Variants in ZNHIT6 observed in about 807,000 individuals in gnomAD.
The protein encoded by ZNHIT6 is box C/D snoRNA protein 1.
Under a neutral mutation model 57.2 loss-of-function variants are expected in ZNHIT6, and 45 were observed. The ratio of observed to expected loss-of-function variants is 0.79; its 90% confidence interval spans 0.62 to 1.01. The LOEUF is 1.01. Among genes scored for constraint, ZNHIT6 ranks in the 50% least tolerant of loss-of-function variants. ZNHIT6 has a pLI of 0.00. For synonymous variants in ZNHIT6, 188 were observed against 190.0 expected (o/e 0.99, Z 0.09); for missense variants, 528 against 567.3 (o/e 0.93, Z 0.70).
chr1:85,657,029 G>A (rs1661078661), intron 9 of ZNHIT6, among the ~76,000 whole-genome samples: 1 of 152,078 alleles, frequency 6.6e-6, no homozygotes, highest in Non-Finnish European at 1.5e-5. Context: ...AACCTGGCCT[G>A]TATCTGTAAT....
chr1:85,674,481 T>C (rs965894771), intron 8 of ZNHIT6, among the ~76,000 whole-genome samples: 1 of 152,140 alleles, frequency 6.6e-6, no homozygotes, highest in Non-Finnish European at 1.5e-5. Flanking sequence ...GTATTCCTTA[T>C]AGTCAACACC....
intron 4 of ZNHIT6, among the ~76,000 whole-genome samples, chr1:85,704,349 T>A (rs1158183761): frequency 6.6e-6 from 1 of 152,154 alleles, no homozygotes; most frequent in African/African-American, 2.4e-5. Flanking sequence ...TAAACTGTTT[T>A]TTATTCTTAC....
At chr1:85,660,905 T>C (rs1222309801) in intron 8 of ZNHIT6, among the ~76,000 whole-genome samples, 1 of 152,192 alleles carries the variant, frequency 6.6e-6, no homozygotes, top group Non-Finnish European at 1.5e-5. Context: ...AATCAGTGGA[T>C]TTTATTTAGT....
chr1:85,687,292 AAAAAAAC>A lies in ZNHIT6; in HGVS notation c.1020-6395_1020-6389del, dbSNP rs1312654552. On this transcript the variant is annotated intron_variant, in intron 5 of 9. Coordinates refer to ENST00000370574, the MANE Select transcript of ZNHIT6 (RefSeq NM_017953.4). ...TGAGAAGACTATCTCAAAAAACAAA[AAAAAAAC>A]AAAAAAAAAAAACAATTTAGAACCC... Among the ~76,000 whole-genome samples the A allele has an allele frequency of 1.1e-4, 14 of 132,884 alleles. 2 individuals carry two copies. The highest frequency in any genetic ancestry group is 2.5e-4 in the African/African-American group (9 of 35,996). The allele number at this position is 132,884 out of a possible 152,430, so 87.2% of individuals were successfully genotyped here. A position where few individuals can be genotyped will look rare whatever the true frequency, so the allele number is the denominator to read the frequency against.
chr1:85,697,889 T>A (rs78814881), intron 5 of ZNHIT6, among the ~76,000 whole-genome samples: 3,802 of 152,280 alleles, frequency 0.025, 167 homozygotes, highest in African/African-American at 0.088. Flanking sequence ...TTCATATAGG[T>A]CTTTCATATT....
rs535343136 is a variant in ZNHIT6, at chr1:85,704,461, A to C, written c.915+1617T>G. ...ATGAGAAAAGATCAGGGAAGGGCAT[A>C]AAAGGGTGGCATGGAACTTCTGGGA... On this transcript the variant is annotated intron_variant, in intron 4 of 9. Coordinates refer to ENST00000370574, the MANE Select transcript of ZNHIT6 (RefSeq NM_017953.4). Among the ~76,000 whole-genome samples, 170 of 152,292 alleles carry C rather than the reference A, an allele frequency of 1.1e-3. 1 individual carries two copies. The highest frequency in any genetic ancestry group is 3.9e-3 in the African/African-American group (163 of 41,566).
intron 5 of ZNHIT6, among the ~76,000 whole-genome samples, chr1:85,700,066 A>C (rs1014293510): frequency 6.6e-6 from 1 of 152,206 alleles, no homozygotes; most frequent in Non-Finnish European, 1.5e-5. Flanking sequence ...TATTAGATGA[A>C]AAAAGGAGAA....
Position 85,657,886 on chromosome 1 carries a change from A to G in ZNHIT6, c.1333T>C (p.Leu445=). Reference sequence around the variant, plus strand: ...TTCATGTCATTATTGGATCCTTTCAATACCACATGTAATGTTGGATACTCA... The same window carrying G: ...TTCATGTCATTATTGGATCCTTTCAGTACCACATGTAATGTTGGATACTCA... ...IIEYPTLHVV[L]KGSNNDMKVL... The change falls in exon 9 of 10, where the codon TTG becomes CTG. Residue 445 remains leucine, a synonymous_variant. Coordinates refer to ENST00000370574, the MANE Select transcript of ZNHIT6 (RefSeq NM_017953.4). The G allele has an allele frequency of 1.9e-6, 3 of 1,608,528 alleles. No individual in the cohort carries two copies. The highest frequency in any genetic ancestry group is 2.5e-6 in the Non-Finnish European group (3 of 1,177,414).
At chr1:85,661,819 C>A (rs961068320) in intron 8 of ZNHIT6, among the ~76,000 whole-genome samples, 6 of 152,118 alleles carry the variant, frequency 3.9e-5, no homozygotes, top group Non-Finnish European at 5.9e-5. Flanking sequence ...TCTCTGCTAC[C>A]ATAAGACAAA....
chr1:85,665,507 A>G (rs1570289925), intron 8 of ZNHIT6, among the ~76,000 whole-genome samples: 1 of 152,096 alleles, frequency 6.6e-6, no homozygotes, highest in East Asian at 1.9e-4. Context: ...CACCTTACAT[A>G]GCATTTTTTT....
chr1:85,695,880 C>T (rs973374083), intron 5 of ZNHIT6, among the ~76,000 whole-genome samples: 13 of 152,136 alleles, frequency 8.5e-5, no homozygotes, highest in Non-Finnish European at 1.5e-4. Context: ...ACTAAAAATA[C>T]AAAAAATTAG....
rs1379938767 is a variant in ZNHIT6, at chr1:85,706,431, T to TA, written c.722+10dup. ...AGATACAGGTTAAAAGGTAGGAAGT[T>TA]ACATGTATACCTGCAGGAATATCGC... is the stretch of plus-strand genomic sequence containing the variant. On this transcript the variant is annotated intron_variant, in intron 2 of 9. Coordinates refer to ENST00000370574, the MANE Select transcript of ZNHIT6 (RefSeq NM_017953.4). 1.9e-6 allele frequency: 3 copies of TA among 1,612,984 alleles called. No homozygotes were observed. In the Admixed American group the frequency reaches 5.0e-5, roughly 27 times the overall value.
In ZNHIT6 at chr1:85,687,297, AAC is replaced by A. The variant is rs1557861038; in HGVS notation, c.1020-6395_1020-6394del. The stretch of plus-strand genomic sequence containing the variant: ...AGACTATCTCAAAAAACAAAAAAAA[AAC>A]AAAAAAAAAAAACAATTTAGAACCC... On this transcript the variant is annotated intron_variant, in intron 5 of 9. Coordinates refer to ENST00000370574, the MANE Select transcript of ZNHIT6 (RefSeq NM_017953.4). Among the ~76,000 whole-genome samples, 58 of 132,688 alleles carry A rather than the reference AAC, an allele frequency of 4.4e-4. 6 individuals are homozygous for A. The highest frequency in any genetic ancestry group is 1.1e-3 in the African/African-American group (39 of 35,972). 87.0% of individuals were successfully genotyped at this position (132,688 alleles called of 152,430 possible).
intron 8 of ZNHIT6, among the ~76,000 whole-genome samples, chr1:85,676,044 A>C (rs1037784553): frequency 3.3e-5 from 5 of 152,158 alleles, no homozygotes; most frequent in African/African-American, 1.2e-4. Flanking sequence ...CAGCAATAAG[A>C]CTGTTTTACT....
At position 85,654,072 on chromosome 1, in the gene ZNHIT6, C is replaced by T; in HGVS notation, c.1399G>A (p.Gly467Ser). ...QVKSESTKNV[G>S]NEN ...AGAAAAAATGCTCAATTTTCATTGC[C>T]AACGTTCTTGGTAGATTCACTCTTC... The change falls in exon 10 of 10, where the codon GGC becomes AGC. Residue 467 changes from glycine to serine, a missense_variant. Physicochemically the swap from Gly to Ser is moderately conservative, Grantham distance 56 (BLOSUM62 0). Coordinates refer to ENST00000370574, the MANE Select transcript of ZNHIT6 (RefSeq NM_017953.4). 1.2e-6 allele frequency: 2 copies of T among 1,612,228 alleles called. No individual in the cohort carries two copies. The highest frequency in any genetic ancestry group is 2.2e-5 in the East Asian group (1 of 44,806).
Position 85,649,662 on chromosome 1 carries a change from G to T in ZNHIT6, c.*4396C>A, listed in dbSNP as rs576695398. Reference sequence around the variant, plus strand: ...TTTAGTCAAGTACAGATCCCCAAAGGTTTATTTAAAGCCAATTTTTATTTA... The same window carrying T: ...TTTAGTCAAGTACAGATCCCCAAAGTTTTATTTAAAGCCAATTTTTATTTA... On this transcript the variant is annotated 3_prime_UTR_variant, in exon 10 of 10. Transcript: ENST00000370574. 11 of 152,170 alleles carry T rather than the reference G, an allele frequency of 7.2e-5. No individual in the cohort carries two copies. The highest frequency in any genetic ancestry group is 4.1e-4 in the South Asian group (2 of 4,820). 9.4% of individuals were successfully genotyped at this position (152,170 alleles called of 1,614,324 possible).
At chr1:85,680,721 T>C in intron 6 of ZNHIT6, 115 bp downstream of exon 6, 1 of 700,950 alleles carries the variant, frequency 1.4e-6, no homozygotes, top group Non-Finnish European at 2.3e-6. Context: ...TTTCATTGTA[T>C]AAATACACCA....
intron 5 of ZNHIT6, among the ~76,000 whole-genome samples, chr1:85,689,697 C>T (rs774025253): frequency 3.3e-5 from 5 of 152,116 alleles, no homozygotes; most frequent in Admixed American, 6.5e-5. Flanking sequence ...TACTTGAGTA[C>T]TTAAGCAGTT....
chr1:85,680,834 A>C lies in ZNHIT6; in HGVS notation c.1088+2T>G. On this transcript the variant is annotated splice_donor_variant, in intron 6 of 9. Transcript: ENST00000370574. LOFTEE classifies it high-confidence loss of function. ...TCAGTGATTGAAAGATAGCAGTGATACCTTTTTTCTATGTACTCAGCTTGA... is the reference window on the plus strand; with the variant it reads ...TCAGTGATTGAAAGATAGCAGTGATCCCTTTTTTCTATGTACTCAGCTTGA... 3.1e-6 allele frequency: 5 copies of C among 1,608,120 alleles called. No homozygotes were observed. Among genetic ancestry groups the C allele is most frequent in the Non-Finnish European group, 4.2e-6 (5 of 1,176,848 alleles).
Sources: gnomAD v4.1 joint callset for allele counts (sites outside exome capture counted in the v4.1 genomes callset) on GRCh38, gnomAD v4.1.1 for gene constraint, MANE v1.5 for transcripts, NCBI Gene and HGNC (gene_info 2026-07-23, HGNC 2026-07-21) for gene names.